The following LRFN2 variants were observed in gnomAD, a reference collection of about 807,000 sequenced individuals.
LRFN2 encodes the protein leucine rich repeat and fibronectin type III domain containing 2.
Under a neutral mutation model 37.3 loss-of-function variants are expected in LRFN2, and 18 were observed. The ratio of observed to expected loss-of-function variants is 0.48; its 90% CI spans 0.33 to 0.72. LRFN2 has a LOEUF of 0.72. Ranked by LOEUF, LRFN2 falls within the 30% of genes least tolerant of loss-of-function variation. LRFN2 has a pLI of 0.02. For synonymous variants in LRFN2, 556 were observed against 466.6 expected (o/e 1.19, Z -2.47); for missense variants, 1,006 against 1,060.7 (o/e 0.95, Z 0.72).
At chr6:40,445,095 C>A (rs1023144509) in intron 1 of LRFN2, among the ~76,000 whole-genome samples, 1 of 152,170 alleles carries the variant, frequency 6.6e-6, no homozygotes, top group East Asian at 1.9e-4. Flanking sequence ...CGTGGGCATG[C>A]AGACATGGGG....
chr6:40,540,367 A>G (rs1766530460), intron 1 of LRFN2, among the ~76,000 whole-genome samples: 2 of 152,134 alleles, frequency 1.3e-5, no homozygotes, highest in Non-Finnish European at 2.9e-5. Context: ...TGTTGAACCT[A>G]AGTTCCTTCC....
chr6:40,454,363 A>G (rs1764190325), intron 1 of LRFN2, among the ~76,000 whole-genome samples: 1 of 152,164 alleles, frequency 6.6e-6, no homozygotes, highest in South Asian at 2.1e-4. Flanking sequence ...GGATGGTGTC[A>G]TGGGTGGTAA....
chr6:40,410,384 G>A (rs1046209008), intron 2 of LRFN2, among the ~76,000 whole-genome samples: 4 of 152,176 alleles, frequency 2.6e-5, no homozygotes, highest in African/African-American at 9.7e-5. Flanking sequence ...TGTGGAAGTA[G>A]GGGCAGCAGC....
chr6:40,429,299 G>A (rs1763425244), intron 2 of LRFN2, among the ~76,000 whole-genome samples: 1 of 152,206 alleles, frequency 6.6e-6, no homozygotes, highest in Non-Finnish European at 1.5e-5. Flanking sequence ...CCCCTGGCAA[G>A]CTGCGCCATT....
At chr6:40,440,513 AATGG>A (rs1561856937) in intron 1 of LRFN2, among the ~76,000 whole-genome samples, 1 of 152,192 alleles carries the variant, frequency 6.6e-6, no homozygotes, top group Non-Finnish European at 1.5e-5. Flanking sequence ...TGAATGAATG[AATGG>A]ATGCTCCAGC....
intron 2 of LRFN2, among the ~76,000 whole-genome samples, chr6:40,416,069 C>T (rs765752767): frequency 8.5e-5 from 13 of 152,250 alleles, no homozygotes; most frequent in East Asian, 1.9e-4. Flanking sequence ...AGTGCAATGG[C>T]GGAATCTTGG....
intron 1 of LRFN2, among the ~76,000 whole-genome samples, chr6:40,491,600 G>A (rs1051183823): frequency 1.5e-5 from 2 of 129,520 alleles, no homozygotes; most frequent in Non-Finnish European, 3.1e-5. Context: ...CCGTGTGACT[G>A]TGGGTAGGTA....
chr6:40,568,612 CCT>C (rs1390975950), intron 1 of LRFN2, among the ~76,000 whole-genome samples: 2 of 152,212 alleles, frequency 1.3e-5, no homozygotes, highest in East Asian at 3.9e-4. Context: ...CCTACTGTAT[CCT>C]CTGAGTCAGA....
chr6:40,501,910 C>G (rs1474329803), intron 1 of LRFN2: 2 of 152,160 alleles, frequency 1.3e-5, no homozygotes, highest in Non-Finnish European at 2.9e-5. Flanking sequence ...GAACATTCCA[C>G]CTTGTTGATG....
At chr6:40,454,878 T>C (rs1356607401) in intron 1 of LRFN2, among the ~76,000 whole-genome samples, 1 of 152,322 alleles carries the variant, frequency 6.6e-6, no homozygotes, top group Non-Finnish European at 1.5e-5. Context: ...GAGATCCTAT[T>C]TGTATCCCTG....
intron 1 of LRFN2, among the ~76,000 whole-genome samples, chr6:40,577,090 T>TCTC (rs1767295021): frequency 7.1e-6 from 1 of 141,290 alleles, no homozygotes. Flanking sequence ...TTTCTTTTCT[T>TCTC]TTCTTTTCTT....
intron 1 of LRFN2, among the ~76,000 whole-genome samples, chr6:40,452,766 A>C (rs1214764705): frequency 6.6e-6 from 1 of 152,134 alleles, no homozygotes; most frequent in Non-Finnish European, 1.5e-5. Flanking sequence ...CTTCTCCCCC[A>C]ATACTTCCTT....
At chr6:40,457,342 TG>T (rs1188237133) in intron 1 of LRFN2, among the ~76,000 whole-genome samples, 1 of 152,030 alleles carries the variant, frequency 6.6e-6, no homozygotes, top group East Asian at 1.9e-4. Context: ...CAAGGAAGTT[TG>T]GGGGAGAAAA....
chr6:40,519,413 G>A (rs909984), intron 1 of LRFN2, among the ~76,000 whole-genome samples: 72,425 of 152,048 alleles, frequency 0.48, 17,635 homozygotes, highest in Middle Eastern at 0.6. Flanking sequence ...CCTCCCGTGA[G>A]GGGCAGAGAA....
chr6:40,527,969 T>A (rs1766283526), intron 1 of LRFN2, among the ~76,000 whole-genome samples: 1 of 152,174 alleles, frequency 6.6e-6, no homozygotes, highest in African/African-American at 2.4e-5. Flanking sequence ...ACTCATGTAA[T>A]CCTACAAAGT....
At chr6:40,551,056 G>A (rs1308617534) in intron 1 of LRFN2, among the ~76,000 whole-genome samples, 1 of 152,066 alleles carries the variant, frequency 6.6e-6, no homozygotes, top group African/African-American at 2.4e-5. Flanking sequence ...TGTGAGTCTG[G>A]GTAAACCAAC....
At chr6:40,435,118 T>TTA (rs572879306) in intron 1 of LRFN2, among the ~76,000 whole-genome samples, 45 of 127,496 alleles carry the variant, frequency 3.5e-4, no homozygotes, top group African/African-American at 1.2e-3. Flanking sequence ...ATTATATATT[T>TTA]TATATATATA....
intron 1 of LRFN2, among the ~76,000 whole-genome samples, chr6:40,502,052 G>A (rs1487896477): frequency 6.6e-6 from 1 of 152,190 alleles, no homozygotes; most frequent in Non-Finnish European, 1.5e-5. Flanking sequence ...AAGCAGCACT[G>A]CAGTGTTAAT....
At chr6:40,481,108 A>G (rs973124859) in intron 1 of LRFN2, among the ~76,000 whole-genome samples, 1 of 152,182 alleles carries the variant, frequency 6.6e-6, no homozygotes, top group African/African-American at 2.4e-5. Context: ...TCTGGAATGT[A>G]AATCTTCTGG....
Sources: gnomAD v4.1 joint callset for allele counts (sites outside exome capture counted in the v4.1 genomes callset) on GRCh38, gnomAD v4.1.1 for gene constraint, MANE v1.5 for transcripts, NCBI Gene and HGNC (gene_info 2026-07-23, HGNC 2026-07-21) for gene names.